ANO10: variants seen among roughly 807,000 people sequenced by gnomAD.
ANO10 encodes anoctamin-10.
Under a neutral mutation model 74.7 loss-of-function variants are expected in ANO10, and 77 were observed. That is an observed-to-expected ratio of 1.03 (90% confidence interval 0.86 to 1.25). ANO10 has a LOEUF of 1.25. Ranked by LOEUF, ANO10 falls within the 50% of genes most tolerant of loss-of-function variation. ANO10 has a pLI of 0.00. For synonymous variants in ANO10, 279 were observed against 284.9 expected (o/e 0.98, Z 0.21); for missense variants, 721 against 778.1 (o/e 0.93, Z 0.87).
intron 12 of ANO10, among the ~76,000 whole-genome samples, chr3:43,413,199 AG>A (rs2092690914): frequency 1.3e-5 from 2 of 152,210 alleles, no homozygotes; most frequent in South Asian, 4.1e-4. Flanking sequence ...AAGAGGCCAC[AG>A]GAGAGAATGG....
chr3:43,373,396 A>G (rs2091687099), intron 12 of ANO10, among the ~76,000 whole-genome samples: 1 of 151,924 alleles, frequency 6.6e-6, no homozygotes, highest in Admixed American at 6.6e-5. Flanking sequence ...CCCATTCCAG[A>G]AAGGCTCCCG....
At chr3:43,631,772 G>A (rs1268988735) in intron 1 of ANO10, among the ~76,000 whole-genome samples, 2 of 150,430 alleles carry the variant, frequency 1.3e-5, no homozygotes, top group Non-Finnish European at 3.0e-5. Flanking sequence ...AAAAAAAGAA[G>A]AAAGAAAAGA....
intron 11 of ANO10, chr3:43,485,367 C>T: frequency 2.1e-6 from 1 of 466,292 alleles, no homozygotes; most frequent in Non-Finnish European, 4.0e-6. Flanking sequence ...GCGCCCATTG[C>T]CGCTCCTGAT....
intron 12 of ANO10, among the ~76,000 whole-genome samples, chr3:43,383,334 G>T (rs1372360650): frequency 6.6e-6 from 1 of 151,608 alleles, no homozygotes. Context: ...GGTGCCTGTA[G>T]TCCCAGCTAC....
At chr3:43,554,787 C>T (rs2079656890) in intron 10 of ANO10, among the ~76,000 whole-genome samples, 1 of 152,092 alleles carries the variant, frequency 6.6e-6, no homozygotes, top group Admixed American at 6.5e-5. Flanking sequence ...ATATATGTTC[C>T]CATGTGGCCT....
intron 11 of ANO10, among the ~76,000 whole-genome samples, chr3:43,539,859 A>C (rs1305638344): frequency 6.6e-6 from 1 of 152,190 alleles, no homozygotes; most frequent in Non-Finnish European, 1.5e-5. Context: ...CTGAGTGTAA[A>C]ACGATCTCTT....
At chr3:43,565,347 A>T (rs1463371332) in intron 8 of ANO10, among the ~76,000 whole-genome samples, 1 of 152,168 alleles carries the variant, frequency 6.6e-6, no homozygotes, top group Non-Finnish European at 1.5e-5. Context: ...AGGCACACAA[A>T]ACAGTTCAGT....
intron 11 of ANO10, among the ~76,000 whole-genome samples, chr3:43,477,807 C>G (rs915240190): frequency 3.9e-5 from 6 of 152,230 alleles, no homozygotes; most frequent in South Asian, 4.1e-4. Flanking sequence ...ATAGAAGGTG[C>G]CTGTTGCTCA....
intron 12 of ANO10, among the ~76,000 whole-genome samples, chr3:43,403,878 C>T (rs2092528232): frequency 6.6e-6 from 1 of 152,016 alleles, no homozygotes; most frequent in Non-Finnish European, 1.5e-5. Flanking sequence ...AGTCCTAGGC[C>T]CTGCTCCCCC....
At chr3:43,691,329 A>C in intron 1 of ANO10, 11 of 259,396 alleles carry the variant, frequency 4.2e-5, no homozygotes, top group East Asian at 6.9e-5. Context: ...GTTGTTGTAT[A>C]AGCCACCCCG....
intron 11 of ANO10, among the ~76,000 whole-genome samples, chr3:43,538,151 A>T (rs930164410): frequency 3.9e-5 from 6 of 152,062 alleles, no homozygotes; most frequent in East Asian, 1.9e-4. Flanking sequence ...ATTTCAGTAT[A>T]AAAAAAACAG....
At chr3:43,564,190 AC>A (rs2080194669) in intron 8 of ANO10, among the ~76,000 whole-genome samples, 1 of 151,914 alleles carries the variant, frequency 6.6e-6, no homozygotes, top group Non-Finnish European at 1.5e-5. Flanking sequence ...GTGCTACCAC[AC>A]CCAGGTAACT....
In ANO10 at chr3:43,520,858, T is replaced by C. The variant is rs142305991; in HGVS notation, c.1797+28862A>G. ...GGATTGTGTTGGATCTATAGATCAA[T>C]TGGAGAAGTACTACCATGTTAATAT... On this transcript the variant is annotated intron_variant, in intron 11 of 12. Transcript: ENST00000292246. 2.4e-3 allele frequency among the ~76,000 whole-genome samples: 366 copies of C among 152,294 alleles called. 1 individual carries two copies. Among genetic ancestry groups the C allele is most frequent in the African/African-American group, 8.6e-3 (356 of 41,574 alleles).
At chr3:43,605,004 A>G (rs2082496276) in intron 2 of ANO10, among the ~76,000 whole-genome samples, 1 of 152,144 alleles carries the variant, frequency 6.6e-6, no homozygotes, top group South Asian at 2.1e-4. Flanking sequence ...TTCAGTGTTC[A>G]GAGACTGTGC....
intron 11 of ANO10, among the ~76,000 whole-genome samples, chr3:43,489,465 C>A (rs550576099): frequency 6.6e-6 from 1 of 152,022 alleles, no homozygotes; most frequent in African/African-American, 2.4e-5. Context: ...CCCATGTACA[C>A]GTTAAATAAA....
Position 43,536,995 on chromosome 3 carries a change from C to CAAAAAAAA in ANO10, c.1797+12717_1797+12724dup, listed in dbSNP as rs5848666. Among the ~76,000 whole-genome samples the CAAAAAAAA allele has an allele frequency of 1.1e-4, 9 of 78,614 alleles. 3 individuals are homozygous for CAAAAAAAA. Among genetic ancestry groups the CAAAAAAAA allele is most frequent in the African/African-American group, 3.0e-4 (6 of 19,816 alleles). 51.6% of individuals were successfully genotyped at this position (78,614 alleles called of 152,430 possible). A position where few individuals can be genotyped will look rare whatever the true frequency, so the allele number is the denominator to read the frequency against. On this transcript the variant is annotated intron_variant, in intron 11 of 12. Transcript: ENST00000292246. ...CAAGATACAGAACAATTTCATCACTCAAAAAAAAAAAAAAAAAAAAAGCCC... is the reference window on the plus strand; with the variant it reads ...CAAGATACAGAACAATTTCATCACTCAAAAAAAAAAAAAAAAAAAAAAAAAAAAAGCCC...
chr3:43,433,723 C>A (rs1575786089), intron 11 of ANO10, among the ~76,000 whole-genome samples: 1 of 152,072 alleles, frequency 6.6e-6, no homozygotes. Context: ...CCTTGGTAAT[C>A]CCGCTGTTCA....
chr3:43,625,419 T>C (rs2083482644), upstream of ANO10, among the ~76,000 whole-genome samples: 1 of 152,240 alleles, frequency 6.6e-6, no homozygotes, highest in South Asian at 2.1e-4. Context: ...GCCATCATGA[T>C]CCACCTGCTA....
At chr3:43,446,072 T>C (rs1358691829) in intron 11 of ANO10, among the ~76,000 whole-genome samples, 4 of 152,156 alleles carry the variant, frequency 2.6e-5, no homozygotes, top group African/African-American at 7.2e-5. Flanking sequence ...TAGATATCAC[T>C]GTGTGTAGAA....
Sources: gnomAD v4.1 joint callset for allele counts (sites outside exome capture counted in the v4.1 genomes callset) on GRCh38, gnomAD v4.1.1 for gene constraint, MANE v1.5 for transcripts, NCBI Gene and HGNC (gene_info 2026-07-23, HGNC 2026-07-21) for gene names.